Variants in DGKH observed in about 807,000 individuals in gnomAD.
The protein encoded by DGKH is DAG kinase eta.
In DGKH, 90 loss-of-function variants were observed where a neutral mutation model predicts 159.3. The ratio of observed to expected loss-of-function variants is 0.57; its 90% CI spans 0.48 to 0.67. The LOEUF is 0.67. Ranked by LOEUF, DGKH falls within the 30% of genes least tolerant of loss-of-function variation. The probability of loss-of-function intolerance (pLI) is 0.00; values close to 1 mark genes in which losing one functional copy is unlikely to be tolerated. For synonymous variants in DGKH, 536 were observed against 553.8 expected, an observed-to-expected ratio of 0.97 and a Z score of 0.45; for missense variants, 1,181 against 1,506.1, an observed-to-expected ratio of 0.78 and a Z score of 3.57.
chr13:42,113,428 G>T (rs565068338), intron 1 of DGKH, among the ~76,000 whole-genome samples: 1 of 152,282 alleles, frequency 6.6e-6, no homozygotes, highest in South Asian at 2.1e-4. Flanking sequence ...GTAATGATCA[G>T]CCAGACTTTA....
chr13:42,053,172 A>G (rs1322691263), intron 1 of DGKH, among the ~76,000 whole-genome samples: 3 of 152,018 alleles, frequency 2.0e-5, no homozygotes, highest in South Asian at 2.1e-4. Flanking sequence ...CATCTCAAAG[A>G]AAAAAACAAA....
intron 14 of DGKH, 107 bp from the exon 15 acceptor site, chr13:42,188,929 C>G: frequency 7.7e-7 from 1 of 1,303,540 alleles, no homozygotes. Flanking sequence ...GTGTTTTTCT[C>G]TCTAGTGATT....
intron 29 of DGKH, among the ~76,000 whole-genome samples, chr13:42,227,534 T>C (rs766135608): frequency 2.0e-5 from 3 of 152,210 alleles, no homozygotes; most frequent in Non-Finnish European, 4.4e-5. Context: ...GCATGTACAT[T>C]TCAAATTTAG....
In DGKH at chr13:42,219,551, CT is replaced by C. The variant is rs557552329; in HGVS notation, c.3334-128del. 83 of 1,197,340 alleles carry C rather than the reference CT, an allele frequency of 6.9e-5. 1 individual carries two copies. In the South Asian group the frequency reaches 1.3e-3, roughly 19 times the overall value. 74.2% of individuals were successfully genotyped at this position (1,197,340 alleles called of 1,614,324 possible). On this transcript the variant is annotated intron_variant, in intron 27 of 29. Coordinates refer to ENST00000337343, the MANE Select transcript of DGKH (RefSeq NM_178009.5). Reference sequence around the variant, plus strand: ...GACATTTTTAGTAGTACATTGTGAACTTTTTTTGAAGAAGTTATCACTGTTC... The same window carrying C: ...GACATTTTTAGTAGTACATTGTGAACTTTTTTGAAGAAGTTATCACTGTTC...
intron 1 of DGKH, among the ~76,000 whole-genome samples, chr13:42,086,958 T>A (rs1954315003): frequency 6.6e-6 from 1 of 152,014 alleles, no homozygotes; most frequent in African/African-American, 2.4e-5. Context: ...TCTAGAGATC[T>A]GCTGTGTCGG....
At chr13:42,128,603 T>G (rs1423757694) in intron 2 of DGKH, among the ~76,000 whole-genome samples, 1 of 150,490 alleles carries the variant, frequency 6.6e-6, no homozygotes, top group African/African-American at 2.5e-5. Context: ...CCTGTTTTCT[T>G]CAAGATCCCC....
rs144546933 is a variant in DGKH at position 42,108,837 on chromosome 13, C to A, written c.193-18626C>A. ...AAAGGAGGGAGTGGAAGCTATAATGCATGCAGTAAGGCTGAAGGAAAGGAA... is the reference window on the plus strand; with the variant it reads ...AAAGGAGGGAGTGGAAGCTATAATGAATGCAGTAAGGCTGAAGGAAAGGAA... On this transcript the variant is annotated intron_variant, in intron 1 of 29. Coordinates refer to ENST00000337343, the MANE Select transcript of DGKH (RefSeq NM_178009.5). Among the ~76,000 whole-genome samples, 482 of 146,132 alleles carry A rather than the reference C, an allele frequency of 3.3e-3. 1 individual carries two copies. Among genetic ancestry groups the A allele is most frequent in the Admixed American group, 5.6e-3 (84 of 14,900 alleles).
chr13:42,092,542 AG>A (rs1954439336), intron 1 of DGKH, among the ~76,000 whole-genome samples: 1 of 152,206 alleles, frequency 6.6e-6, no homozygotes, highest in Non-Finnish European at 1.5e-5. Context: ...GCTTTAAAAA[AG>A]GTGAATCTTA....
intron 21 of DGKH, among the ~76,000 whole-genome samples, chr13:42,206,928 GA>G (rs1296980476): frequency 7.2e-5 from 11 of 151,752 alleles, no homozygotes. Flanking sequence ...AGGGGGCAGA[GA>G]GGGGGCATTA....
At chr13:42,087,802 C>G (rs780169495) in intron 1 of DGKH, among the ~76,000 whole-genome samples, 3 of 145,778 alleles carry the variant, frequency 2.1e-5, no homozygotes, top group African/African-American at 7.7e-5. Context: ...CTTACATAAG[C>G]GTATTTGGAG....
In DGKH at chr13:42,236,470, A is replaced by G. The variant is rs540724943; in HGVS notation, c.*7282A>G. On this transcript the variant is annotated 3_prime_UTR_variant, in exon 30 of 30. Transcript: ENST00000337343. Reference sequence around the variant, plus strand: ...ATAAAGCCAAAATGAATTCACCAATATTAAGGATTTAATGTAGCCAAGGGA... The same window carrying G: ...ATAAAGCCAAAATGAATTCACCAATGTTAAGGATTTAATGTAGCCAAGGGA... 1 of 152,356 alleles carries G rather than the reference A, an allele frequency of 6.6e-6. No homozygotes were observed. Among genetic ancestry groups the G allele is most frequent in the East Asian group, 1.9e-4 (1 of 5,192 alleles). The allele number at this position is 152,356 out of a possible 1,614,324, so 9.4% of individuals were successfully genotyped here.
In DGKH at chr13:42,238,817, A is replaced by C; in HGVS notation, c.*9629A>C. On this transcript the variant is annotated 3_prime_UTR_variant, in exon 30 of 30. Coordinates refer to ENST00000337343, the MANE Select transcript of DGKH (RefSeq NM_178009.5). ...ATTATATTAGTTATACATGAGAGTC[A>C]GTGAACGATGACTTGATTTTTACAT... 1 of 152,242 alleles carries C rather than the reference A, an allele frequency of 6.6e-6. No homozygotes were observed. 9.4% of individuals were successfully genotyped at this position (152,242 alleles called of 1,614,324 possible). A position where few individuals can be genotyped will look rare whatever the true frequency, so the allele number is the denominator to read the frequency against.
chr13:42,140,960 T>C (rs569916888), intron 3 of DGKH: 65 of 148,758 alleles, frequency 4.4e-4, no homozygotes, highest in African/African-American at 1.5e-3. Context: ...CTTTAAGTTT[T>C]AGGGTACATG....
At chr13:42,177,340 C>CTA (rs2138055901) in intron 12 of DGKH, among the ~76,000 whole-genome samples, 1 of 152,286 alleles carries the variant, frequency 6.6e-6, no homozygotes, top group African/African-American at 2.4e-5. Flanking sequence ...TCAGATTGAT[C>CTA]TATACTGTGG....
chr13:42,251,252 T>C (rs1351940061), intron 29 of DGKH, among the ~76,000 whole-genome samples: 1 of 152,022 alleles, frequency 6.6e-6, no homozygotes, highest in African/African-American at 2.4e-5. Flanking sequence ...GTGGTGGGCA[T>C]ATCGCTTGAG....
chr13:42,198,138 T>C (rs9533030), intron 17 of DGKH, among the ~76,000 whole-genome samples: 141,196 of 152,274 alleles, frequency 0.93, 65,742 homozygotes, highest in Non-Finnish European at 0.97. Context: ...AAATTCCTTA[T>C]AGACTTAATA....
chr13:42,123,671 G>C (rs1170169), intron 1 of DGKH, among the ~76,000 whole-genome samples: 102,397 of 152,070 alleles, frequency 0.67, 35,208 homozygotes, highest in African/African-American at 0.81. Flanking sequence ...TTTAAAAATG[G>C]ACTAAAGATT....
Position 42,221,383 on chromosome 13 carries a change from C to A in DGKH, c.3562C>A (p.Arg1188=). ...RGAELLHLER[R]DLKDLGIPKV... Reference sequence around the variant, plus strand: ...GGCTGAACTTTTGCATCTGGAAAGGCGAGATCTTAAGGTATTTCCTTTGTG... The same window carrying A: ...GGCTGAACTTTTGCATCTGGAAAGGAGAGATCTTAAGGTATTTCCTTTGTG... Residue 1188 remains arginine (R), a synonymous_variant, in exon 29 of 30, where the codon CGA becomes AGA. Transcript: ENST00000337343. 6.2e-7 allele frequency: 1 copy of A among 1,613,438 alleles called. No individual in the cohort carries two copies. Among genetic ancestry groups the A allele is most frequent in the Non-Finnish European group, 8.5e-7 (1 of 1,179,510 alleles).
At chr13:42,109,666 G>A (rs1954824355) in intron 1 of DGKH, among the ~76,000 whole-genome samples, 1 of 88,222 alleles carries the variant, frequency 1.1e-5, no homozygotes, top group South Asian at 3.5e-4. Flanking sequence ...GCGTGCGTGT[G>A]TGTGCGTGTG....
Sources: gnomAD v4.1 joint callset for allele counts (sites outside exome capture counted in the v4.1 genomes callset) on GRCh38, gnomAD v4.1.1 for gene constraint, MANE v1.5 for transcripts, NCBI Gene and HGNC (gene_info 2026-07-23, HGNC 2026-07-21) for gene names.